Variants in VWA3A observed in about 807,000 individuals in gnomAD.
The protein encoded by VWA3A is von Willebrand factor A domain containing 3A.
VWA3A carries 134 observed loss-of-function variants against 160.4 expected under a neutral mutation model. The ratio of observed to expected loss-of-function variants is 0.84; its 90% CI spans 0.73 to 0.96. The LOEUF is 0.96. Ranked by LOEUF, VWA3A falls within the 40% of genes least tolerant of loss-of-function variation. The pLI, the probability that VWA3A is intolerant of heterozygous loss-of-function variation, is 0.00. For missense variants in VWA3A, 1,310 were observed against 1,447.9 expected, an observed-to-expected ratio of 0.90 and a Z score of 1.55; for synonymous variants, 476 against 543.4, an observed-to-expected ratio of 0.88 and a Z score of 1.72.
rs1007936568 is a variant in VWA3A, at chr16:22,100,112, C to A, written c.226-82C>A. The A allele has an allele frequency of 2.8e-6, 4 of 1,448,242 alleles. No individual in the cohort carries two copies. In the African/African-American group the frequency reaches 5.8e-5, roughly 21 times the overall value. 89.7% of individuals were successfully genotyped at this position (1,448,242 alleles called of 1,614,324 possible). ...AAGATAGGGTCAGTCTGAGTTGGCGCCCGTTGGGTATCTGTGTGAAGGGAA... is the reference window on the plus strand; with the variant it reads ...AAGATAGGGTCAGTCTGAGTTGGCGACCGTTGGGTATCTGTGTGAAGGGAA... On this transcript the variant is annotated intron_variant, in intron 3 of 33. Coordinates refer to ENST00000389398, the MANE Select transcript of VWA3A (RefSeq NM_173615.5).
At chr16:22,138,231 T>C (rs1255256477) in intron 21 of VWA3A, 129 bp from the exon 22 acceptor site, 13 of 1,176,310 alleles carry the variant, frequency 1.1e-5, no homozygotes, top group African/African-American at 1.6e-5. Flanking sequence ...GGTGGCTTTC[T>C]AGGGACAAAA....
At position 22,155,883 on chromosome 16, in the gene VWA3A, C is replaced by T; in HGVS notation, c.3536C>T (p.Pro1179Leu). The change falls in exon 33 of 34, where the codon CCA (proline) becomes CTA (leucine). Residue 1179 changes from proline (P) to leucine (L), a missense_variant. Physicochemically the swap from Pro to Leu is moderately conservative, Grantham distance 98. Coordinates refer to ENST00000389398, the MANE Select transcript of VWA3A (RefSeq NM_173615.5). ...SQLQKKNDAE[P>L]KVTLS The stretch of plus-strand genomic sequence containing the variant: ...CTCCAGAAGAAAAATGATGCAGAAC[C>T]AAAGGTCACTCTTTCCTAGAGAAGT... 1.2e-6 allele frequency: 2 copies of T among 1,613,942 alleles called. No individual in the cohort carries two copies.
chr16:22,150,988 T>C, intron 30 of VWA3A, 142 bp downstream of exon 30: 2 of 1,105,362 alleles, frequency 1.8e-6, no homozygotes, highest in South Asian at 3.7e-5. Flanking sequence ...AATCAGAAAT[T>C]AGGAGAAGCG....
intron 20 of VWA3A, 80 bp downstream of exon 20, chr16:22,133,175 T>G: frequency 7.0e-7 from 1 of 1,435,180 alleles, no homozygotes; most frequent in Middle Eastern, 1.8e-4. Flanking sequence ...AGACCACAGA[T>G]GTATTCCAGA....
chr16:22,143,745 CTTTCTT>C (rs1042454592), intron 25 of VWA3A, among the ~76,000 whole-genome samples: 11 of 126,702 alleles, frequency 8.7e-5, no homozygotes, highest in African/African-American at 3.8e-4. Context: ...TTCTTTCTTT[CTTTCTT>C]TTTTTTTTTT....
At chr16:22,104,005 G>GC (rs1342232263) in intron 6 of VWA3A, among the ~76,000 whole-genome samples, 7 of 152,068 alleles carry the variant, frequency 4.6e-5, no homozygotes, top group African/African-American at 1.7e-4. Context: ...GACTGGATTA[G>GC]CCCCCCAGCC....
At chr16:22,104,349 C>T (rs946768392) in intron 6 of VWA3A, among the ~76,000 whole-genome samples, 22 of 151,986 alleles carry the variant, frequency 1.4e-4, no homozygotes, top group African/African-American at 5.3e-4. Flanking sequence ...ATTACCTGGG[C>T]GTGGTCGTGC....
At position 22,147,732 on chromosome 16, in the gene VWA3A, CAT is replaced by C. The variant is rs2046279390; in HGVS notation, c.2840-428_2840-427del. ...TTCACATTACCCCTGGGAACGGTGA[CAT>C]AAAACCAGAGATCCAGCGATTTCTT... On this transcript the variant is annotated intron_variant, in intron 27 of 33. Coordinates refer to ENST00000389398, the MANE Select transcript of VWA3A (RefSeq NM_173615.5). 7.6e-5 allele frequency: 53 copies of C among 696,692 alleles called. 3 individuals carry two copies. The South Asian group carries it at 7.8e-4, about 10-fold the overall frequency. The allele number at this position is 696,692 out of a possible 1,614,324, so 43.2% of individuals were successfully genotyped here. A position where few individuals can be genotyped will look rare whatever the true frequency, so the allele number is the denominator to read the frequency against.
rs2045733660 is a variant in VWA3A at position 22,121,513 on chromosome 16, G to A, written c.1253-1G>A. 6.2e-7 allele frequency: 1 copy of A among 1,611,022 alleles called. No homozygotes were observed. Among genetic ancestry groups the A allele is most frequent in the East Asian group, 2.2e-5 (1 of 44,858 alleles). On this transcript the variant is annotated splice_acceptor_variant, in intron 13 of 33. Transcript: ENST00000389398. LOFTEE classifies it high-confidence loss of function. ...CCTCCAACCTCACACTTTTTTTTCA[G>A]CCAAGAAATTAAGTCTATATCAGGT...
intron 27 of VWA3A, chr16:22,147,587 T>A: frequency 1.4e-6 from 1 of 703,262 alleles, no homozygotes; most frequent in South Asian, 1.5e-5. Context: ...TCCTCTGCAG[T>A]AGGACCTGGT....
Position 22,152,632 on chromosome 16 carries a change from A to G in VWA3A, c.3403A>G (p.Lys1135Glu), listed in dbSNP as rs1598114462. 1.2e-6 allele frequency: 2 copies of G among 1,602,794 alleles called. No individual in the cohort carries two copies. Among genetic ancestry groups the G allele is most frequent in the South Asian group, 2.3e-5 (2 of 88,876 alleles). Residue 1135 changes from lysine (K) to glutamate (E), a missense_variant and splice_region_variant, in exon 31 of 34, where the codon AAG becomes GAG. Lys to Glu is a moderately conservative substitution (Grantham distance 56). Transcript: ENST00000389398. ...GCTGACCAAAGGCTTCATCAATGAA[A>G]AGGTAGGTTGCAGAGCCACTGAGCA... Reference protein sequence around the residue: ...SLLTKGFINEKDPTLPPFEGD... With the variant: ...SLLTKGFINEEDPTLPPFEGD...
At chr16:22,103,366 A>G in intron 5 of VWA3A, 109 bp from the exon 6 acceptor site, 1 of 1,010,846 alleles carries the variant, frequency 9.9e-7, no homozygotes, top group South Asian at 1.6e-5. Context: ...GAACCTATGC[A>G]CATTAAAAAA....
intron 31 of VWA3A, among the ~76,000 whole-genome samples, chr16:22,154,317 CTTTT>C (rs2046399322): frequency 4.2e-5 from 5 of 120,136 alleles, no homozygotes; most frequent in Non-Finnish European, 8.8e-5. Flanking sequence ...CCTCTTTTTT[CTTTT>C]TCTTTTTTTT....
Position 22,140,252 on chromosome 16 carries a change from A to G in VWA3A, c.2383+8A>G, listed in dbSNP as rs772159175. 1.9e-6 allele frequency: 3 copies of G among 1,612,938 alleles called. No homozygotes were observed. Among genetic ancestry groups the G allele is most frequent in the Non-Finnish European group, 2.5e-6 (3 of 1,179,352 alleles). ...GAGTTGGCATCTCACCAGGTAAGGCACCATCACGGTCAGGCAGGGTGGAGG... is the reference window on the plus strand; with the variant it reads ...GAGTTGGCATCTCACCAGGTAAGGCGCCATCACGGTCAGGCAGGGTGGAGG... On this transcript the variant is annotated splice_region_variant and intron_variant, in intron 23 of 33. Transcript: ENST00000389398.
intron 21 of VWA3A, among the ~76,000 whole-genome samples, 190 bp downstream of exon 21, chr16:22,134,628 T>G (rs2046008427): frequency 1.3e-5 from 2 of 152,188 alleles, no homozygotes; most frequent in Admixed American, 1.3e-4. Context: ...GAATCTTTCC[T>G]TGCCCCTCCC....
chr16:22,112,066 A>G (rs1233205690), intron 8 of VWA3A, among the ~76,000 whole-genome samples: 1 of 152,178 alleles, frequency 6.6e-6, no homozygotes, highest in Non-Finnish European at 1.5e-5. Context: ...TTTCTCTGTC[A>G]GTGCATACAA....
At chr16:22,146,123 AC>A in intron 26 of VWA3A, 112 bp from the exon 27 acceptor site, 1 of 886,620 alleles carries the variant, frequency 1.1e-6, no homozygotes, top group Non-Finnish European at 1.7e-6. Flanking sequence ...TGCCCAGCCA[AC>A]AAATATTTTG....
At chr16:22,138,330 G>T in intron 21 of VWA3A, 30 bp from the exon 22 acceptor site, 4 of 1,561,636 alleles carry the variant, frequency 2.6e-6, no homozygotes, top group Non-Finnish European at 3.5e-6. Context: ...GTGGCTGGGG[G>T]TGCCACTGAC....
At chr16:22,138,597 C>A in intron 22 of VWA3A, 85 bp downstream of exon 22, 1 of 1,548,300 alleles carries the variant, frequency 6.5e-7, no homozygotes, top group Non-Finnish European at 8.7e-7. Context: ...ATGGCTGGGG[C>A]CAGCAGGGAT....
Sources: gnomAD v4.1 joint callset for allele counts (sites outside exome capture counted in the v4.1 genomes callset) on GRCh38, gnomAD v4.1.1 for gene constraint, MANE v1.5 for transcripts, NCBI Gene and HGNC (gene_info 2026-07-23, HGNC 2026-07-21) for gene names.